MAGI3: variants seen among roughly 807,000 people sequenced by gnomAD.
MAGI3 encodes membrane associated guanylate kinase, WW and PDZ domain containing 3.
Under a neutral mutation model 121.8 loss-of-function variants are expected in MAGI3, and 43 were observed. That is an observed-to-expected ratio of 0.35 (90% CI 0.28 to 0.46). The LOEUF (loss-of-function observed/expected upper bound fraction) is 0.46. MAGI3 is among the 20% of genes least tolerant of loss of function. MAGI3 has a pLI of 1.00. For missense variants in MAGI3, 1,547 were observed against 1,797.3 expected, an observed-to-expected ratio of 0.86 and a Z score of 2.52; for synonymous variants, 553 against 639.3, an observed-to-expected ratio of 0.86 and a Z score of 2.04.
chr1:113,428,627 T>C (rs956792981), intron 1 of MAGI3, among the ~76,000 whole-genome samples: 3 of 152,238 alleles, frequency 2.0e-5, no homozygotes, highest in African/African-American at 7.2e-5. Flanking sequence ...TTTAATAACA[T>C]GTTTTATTGA....
chr1:113,577,393 G>C (rs1300290518), intron 2 of MAGI3, among the ~76,000 whole-genome samples: 1 of 152,060 alleles, frequency 6.6e-6, no homozygotes. Flanking sequence ...GACAGTGAGA[G>C]GAGAATTGGA....
intron 1 of MAGI3, among the ~76,000 whole-genome samples, chr1:113,513,058 C>G (rs1172646040): frequency 2.0e-5 from 3 of 152,124 alleles, no homozygotes; most frequent in Non-Finnish European, 4.4e-5. Context: ...ACCTAGGAAT[C>G]CACCTTACAA....
In MAGI3 at chr1:113,450,602, A is replaced by T. The variant is rs1242495818; in HGVS notation, c.316+59253A>T. The T allele has an allele frequency of 5.4e-5, 59 of 1,090,578 alleles. No individual in the cohort carries two copies. In the South Asian group the frequency reaches 7.2e-4, roughly 13 times the overall value. The allele number at this position is 1,090,578 out of a possible 1,614,324, so 67.6% of individuals were successfully genotyped here. On this transcript the variant is annotated intron_variant, in intron 1 of 20. Coordinates refer to ENST00000307546, the MANE Select transcript of MAGI3 (RefSeq NM_001142782.2). ...GAACTATAATGATTTTGGAAATTATAGTGGACAACAGCAATCAAATTATGG... is the reference window on the plus strand; with the variant it reads ...GAACTATAATGATTTTGGAAATTATTGTGGACAACAGCAATCAAATTATGG...
rs1366817021 is a variant in MAGI3, at chr1:113,651,038, C to T, written c.2272C>T (p.Leu758=). 6.2e-7 allele frequency: 1 copy of T among 1,614,068 alleles called. No homozygotes were observed. Among genetic ancestry groups the T allele is most frequent in the East Asian group, 2.2e-5 (1 of 44,882 alleles). The change falls in exon 14 of 21, where the codon CTG becomes TTG. Residue 758 remains leucine, a synonymous_variant. Transcript: ENST00000307546. ...QSIYIGAIIP[L]GAAEKDGRLR... ...GATATATATTGGGGCTATTATTCCCCTGGGAGCAGCTGAGAAAGATGGTCG... is the reference window on the plus strand; with the variant it reads ...GATATATATTGGGGCTATTATTCCCTTGGGAGCAGCTGAGAAAGATGGTCG...
At chr1:113,644,943 G>C (rs1198613745) in intron 11 of MAGI3, among the ~76,000 whole-genome samples, 1 of 150,844 alleles carries the variant, frequency 6.6e-6, no homozygotes, top group Admixed American at 6.6e-5. Flanking sequence ...AAATGAATTA[G>C]TTCTTTCTAG....
rs1177484766 is a variant in MAGI3 at position 113,391,625 on chromosome 1, C to T, written c.316+276C>T. Among the ~76,000 whole-genome samples, 1 of 152,154 alleles carries T rather than the reference C, an allele frequency of 6.6e-6. No homozygotes were observed. Among genetic ancestry groups the T allele is most frequent in the African/African-American group, 2.4e-5 (1 of 41,426 alleles). On this transcript the variant is annotated intron_variant, in intron 1 of 20. Transcript: ENST00000307546. The surrounding 1 kb of genome is among the most constrained non-coding windows in gnomAD (Gnocchi z 4.4). ...GCTGGGTTTCCTACATTTGTAGCTC[C>T]ATCTCCCCCCGCAGACAAGAGTTTT...
At chr1:113,599,394 C>T (rs192469564) in intron 6 of MAGI3, among the ~76,000 whole-genome samples, 1,906 of 152,080 alleles carry the variant, frequency 0.013, 28 homozygotes, top group East Asian at 0.096. Flanking sequence ...GGGATATCAC[C>T]ACCGATCCCA....
intron 6 of MAGI3, among the ~76,000 whole-genome samples, chr1:113,611,297 A>C (rs1650119261): frequency 6.6e-6 from 1 of 152,076 alleles, no homozygotes; most frequent in African/African-American, 2.4e-5. Flanking sequence ...CATGTTGCTC[A>C]GGCTGGTCTT....
intron 1 of MAGI3, among the ~76,000 whole-genome samples, chr1:113,417,876 C>G (rs769516457): frequency 1.3e-5 from 2 of 152,132 alleles, no homozygotes; most frequent in Non-Finnish European, 2.9e-5. Context: ...TTTCTTGTCA[C>G]CTAGACTCAA....
chr1:113,556,551 GAT>G (rs1491146063), intron 2 of MAGI3, among the ~76,000 whole-genome samples: 62 of 132,636 alleles, frequency 4.7e-4, no homozygotes, highest in Middle Eastern at 4.3e-3. Context: ...GTATGATAAA[GAT>G]TTTTTTTTTT....
At chr1:113,510,437 A>T (rs937119716) in intron 1 of MAGI3, among the ~76,000 whole-genome samples, 1 of 150,826 alleles carries the variant, frequency 6.6e-6, no homozygotes, top group Non-Finnish European at 1.5e-5. Context: ...GTAAATGTGC[A>T]CATGATTCAA....
intron 1 of MAGI3, among the ~76,000 whole-genome samples, chr1:113,490,510 C>T (rs1162405945): frequency 2.6e-5 from 4 of 152,202 alleles, no homozygotes; most frequent in Non-Finnish European, 5.9e-5. Context: ...GTGACAGTGT[C>T]AGATCCAAAC....
chr1:113,412,220 G>A (rs188606582), intron 1 of MAGI3, among the ~76,000 whole-genome samples: 19 of 152,084 alleles, frequency 1.2e-4, no homozygotes, highest in African/African-American at 4.3e-4. Context: ...TTTTATGACT[G>A]CATAGTATTC....
At position 113,468,457 on chromosome 1, in the gene MAGI3, G is replaced by T. The variant is rs372720299; in HGVS notation, c.316+77108G>T. Among the ~76,000 whole-genome samples, 8 of 152,262 alleles carry T rather than the reference G, an allele frequency of 5.3e-5. No homozygotes were observed. The East Asian group carries it at 1.4e-3, about 26-fold the overall frequency. On this transcript the variant is annotated intron_variant, in intron 1 of 20. Coordinates refer to ENST00000307546, the MANE Select transcript of MAGI3 (RefSeq NM_001142782.2). ...ATGACAACTTATCTTAGATCACAAAGAACTGAAGTTTTAATTTTATTTAAT... is the reference window on the plus strand; with the variant it reads ...ATGACAACTTATCTTAGATCACAAATAACTGAAGTTTTAATTTTATTTAAT...
intron 2 of MAGI3, among the ~76,000 whole-genome samples, chr1:113,551,341 T>C (rs891386054): frequency 2.4e-4 from 36 of 152,180 alleles, no homozygotes; most frequent in African/African-American, 8.2e-4. Context: ...ATTCAATCAG[T>C]TTTTAAAGTG....
At chr1:113,572,679 A>T (rs1470231997) in intron 2 of MAGI3, among the ~76,000 whole-genome samples, 2 of 152,136 alleles carry the variant, frequency 1.3e-5, no homozygotes, top group Non-Finnish European at 2.9e-5. Flanking sequence ...GTTTATTTGT[A>T]TAGAGGCATT....
At chr1:113,564,568 GA>G (rs1557825872) in intron 2 of MAGI3, among the ~76,000 whole-genome samples, 2 of 151,958 alleles carry the variant, frequency 1.3e-5, no homozygotes, top group African/African-American at 4.8e-5. Flanking sequence ...TCTGATAATA[GA>G]AAAACTTAAG....
At chr1:113,606,908 G>A (rs1649810003) in intron 6 of MAGI3, among the ~76,000 whole-genome samples, 3 of 152,154 alleles carry the variant, frequency 2.0e-5, no homozygotes, top group Admixed American at 6.5e-5. Context: ...GAATCATACA[G>A]TGAACATACA....
rs1462205140 is a variant in MAGI3 at position 113,622,989 on chromosome 1, C to T, written c.1355C>T (p.Ala452Val). Residue 452 changes from alanine (A) to valine (V), a missense_variant, in exon 9 of 21, where the codon GCA (alanine) becomes GTA (valine). By Grantham distance (64) the Ala-to-Val change is moderately conservative. Transcript: ENST00000307546. Reference protein sequence around the residue: ...DGPAAQDGKIAPGDVIVDING... With the variant: ...DGPAAQDGKIVPGDVIVDING... ...CCCGCAGCTCAGGATGGGAAAATTGCACCAGGTAAGAAATTTTTCATAATT... is the reference window on the plus strand; with the variant it reads ...CCCGCAGCTCAGGATGGGAAAATTGTACCAGGTAAGAAATTTTTCATAATT... 4.0e-6 allele frequency: 6 copies of T among 1,507,400 alleles called. No individual in the cohort carries two copies. Among genetic ancestry groups the T allele is most frequent in the Non-Finnish European group, 5.3e-6 (6 of 1,136,486 alleles). 93.4% of individuals were successfully genotyped at this position (1,507,400 alleles called of 1,614,324 possible). A position where few individuals can be genotyped will look rare whatever the true frequency, so the allele number is the denominator to read the frequency against.
Sources: gnomAD v4.1 joint callset for allele counts (sites outside exome capture counted in the v4.1 genomes callset) on GRCh38, gnomAD v4.1.1 for gene constraint, Gnocchi (gnomAD v3.1) non-coding constraint, MANE v1.5 for transcripts, NCBI Gene and HGNC (gene_info 2026-07-23, HGNC 2026-07-21) for gene names.